The following FAM186A variants were observed in gnomAD, a reference collection of about 807,000 sequenced individuals.
FAM186A encodes family with sequence similarity 186 member A.
FAM186A carries 163 observed loss-of-function variants against 216.8 expected under a neutral mutation model. The ratio of observed to expected loss-of-function variants is 0.75; its 90% CI spans 0.66 to 0.86. The LOEUF (loss-of-function observed/expected upper bound fraction) is 0.86. Ranked by LOEUF, FAM186A falls within the 40% of genes least tolerant of loss-of-function variation. FAM186A has a pLI of 0.00. For missense variants in FAM186A, 2,184 were observed against 2,746.2 expected (o/e 0.80, Z 4.58); for synonymous variants, 805 against 1,025.3 (o/e 0.79, Z 4.10).
intron 1 of FAM186A, chr12:50,392,263 GTTTGTTTGTTTGTTT>G (rs1435561939): frequency 7.6e-6 from 1 of 131,284 alleles, no homozygotes; most frequent in East Asian, 4.2e-4. Context: ...TTTGTTGTTT[GTTTGTTTGTTTGTTT>G]GTTTGTTTGT....
chr12:50,393,555 G>C (rs1943384517), intron 1 of FAM186A, among the ~76,000 whole-genome samples: 1 of 150,148 alleles, frequency 6.7e-6, no homozygotes, highest in African/African-American at 2.5e-5. Flanking sequence ...AAAAAAAAAA[G>C]TGTATTTTGG....
intron 1 of FAM186A, among the ~76,000 whole-genome samples, chr12:50,373,079 AAAG>A (rs1299200066): frequency 7.1e-6 from 1 of 139,962 alleles, no homozygotes; most frequent in Non-Finnish European, 1.6e-5. Flanking sequence ...AAGAAAGAGA[AAAG>A]AAAGAAAGAA....
At chr12:50,357,068 T>C (rs956443880) in intron 3 of FAM186A, among the ~76,000 whole-genome samples, 20 of 151,950 alleles carry the variant, frequency 1.3e-4, no homozygotes, top group Admixed American at 1.2e-3. Flanking sequence ...AAATAAAAGA[T>C]GTAATTCAAG....
At position 50,351,116 on chromosome 12, in the gene FAM186A, G is replaced by T. The variant is rs1942873931; in HGVS notation, c.5716C>A (p.Pro1906Thr). 4 of 1,551,420 alleles carry T rather than the reference G, an allele frequency of 2.6e-6. No homozygotes were observed. Among genetic ancestry groups the T allele is most frequent in the Non-Finnish European group, 3.5e-6 (4 of 1,146,994 alleles). ...GTCCATGTTGCCAGATGCTGCCCAGGGGTAGAAGGAGCCTGCAGATAGGGA... is the reference window on the plus strand; with the variant it reads ...GTCCATGTTGCCAGATGCTGCCCAGTGGTAGAAGGAGCCTGCAGATAGGGA... Reference protein sequence around the residue: ...QSPYLQAPSTPGQHLATWTLP... With the variant: ...QSPYLQAPSTTGQHLATWTLP... The change falls in exon 4 of 8, where the codon CCT becomes ACT. Residue 1906 changes from proline to threonine, a missense_variant. Around this residue, in one of 7 missense-constraint regions of FAM186A, gnomAD observed 721 missense variants for 816.4 expected, o/e 0.88. Transcript: ENST00000327337.
intron 4 of FAM186A, among the ~76,000 whole-genome samples, chr12:50,337,694 G>A (rs891295433): frequency 2.4e-4 from 37 of 151,750 alleles, no homozygotes; most frequent in African/African-American, 8.4e-4. Flanking sequence ...TCAAGAGATC[G>A]AGACCATCCT....
intron 4 of FAM186A, among the ~76,000 whole-genome samples, chr12:50,339,777 C>G (rs1390724202): frequency 7.1e-6 from 1 of 141,832 alleles, no homozygotes; most frequent in Non-Finnish European, 1.6e-5. Context: ...CACACACACA[C>G]ACAGAGCTTC....
intron 1 of FAM186A, chr12:50,365,972 T>C: frequency 2.6e-6 from 2 of 767,700 alleles, no homozygotes; most frequent in Non-Finnish European, 4.8e-6. Flanking sequence ...TGGGTATCAC[T>C]AGGCTAAAAC....
chr12:50,336,468 G>A (rs191104811), intron 4 of FAM186A, among the ~76,000 whole-genome samples: 3 of 152,232 alleles, frequency 2.0e-5, no homozygotes. Context: ...GACGGGTGGG[G>A]TGCTTGTTGA....
chr12:50,329,912 G>A (rs929901128), intron 7 of FAM186A, among the ~76,000 whole-genome samples: 3 of 152,114 alleles, frequency 2.0e-5, no homozygotes, highest in Non-Finnish European at 4.4e-5. Context: ...TACTTCTTAC[G>A]TGAGGACTTA....
intron 1 of FAM186A, among the ~76,000 whole-genome samples, chr12:50,381,152 C>A (rs7973910): frequency 0.83 from 126,431 of 152,178 alleles, 54,609 homozygotes; most frequent in Non-Finnish European, 0.95. Flanking sequence ...TAGGTCTGGG[C>A]TCCCCGAAGG....
At chr12:50,363,894 T>C (rs1263917436) in intron 1 of FAM186A, among the ~76,000 whole-genome samples, 1 of 152,182 alleles carries the variant, frequency 6.6e-6, no homozygotes, top group Non-Finnish European at 1.5e-5. Flanking sequence ...TCTCCTTTGC[T>C]CAAGAATCTT....
In FAM186A at chr12:50,355,818, T is replaced by G; in HGVS notation, c.1014A>C (p.Glu338Asp). 6.4e-7 allele frequency: 1 copy of G among 1,551,640 alleles called. No homozygotes were observed. The highest frequency in any genetic ancestry group is 1.2e-5 in the South Asian group (1 of 84,044). ...ATGTGGACAATTTTGCATATAGTTG[T>G]TCTATAACAATTTTGGATCGAATAA... is the stretch of plus-strand genomic sequence containing the variant. ...EQLIRSKIVI[E>D]QLYAKLSTSS... The change falls in exon 4 of 8, where the codon GAA (glutamate) becomes GAC (aspartate). Residue 338 changes from glutamate (E) to aspartate (D), a missense_variant. Transcript: ENST00000327337.
Position 50,354,917 on chromosome 12 carries a change from G to A in FAM186A, c.1915C>T (p.Leu639Phe), listed in dbSNP as rs556518989. 3 of 1,550,670 alleles carry A rather than the reference G, an allele frequency of 1.9e-6. No individual in the cohort carries two copies. The South Asian group carries it at 3.6e-5, about 19-fold the overall frequency. The change falls in exon 4 of 8, where the codon CTT becomes TTT. Residue 639 changes from leucine (L) to phenylalanine (F), a missense_variant. Transcript: ENST00000327337. The stretch of plus-strand genomic sequence containing the variant: ...GCCACTCTTGAGAGTGATTTAACAA[G>A]TTGATGAGACTTGACTTGTTTGGTC... ...ELTKQVKSHQ[L>F]VKSLSRVAKE... is the part of the protein sequence containing the mutation.
At chr12:50,329,270 A>G (rs1024302400) in intron 7 of FAM186A, among the ~76,000 whole-genome samples, 1 of 152,202 alleles carries the variant, frequency 6.6e-6, no homozygotes, top group Admixed American at 6.6e-5. Flanking sequence ...AAAAATTTAC[A>G]TATTTTGTCC....
chr12:50,368,265 G>T (rs972301915), intron 1 of FAM186A, among the ~76,000 whole-genome samples: 1 of 151,202 alleles, frequency 6.6e-6, no homozygotes, highest in South Asian at 2.1e-4. Context: ...AGCCAGCATG[G>T]TGGTGGGCAT....
intron 4 of FAM186A, among the ~76,000 whole-genome samples, chr12:50,338,412 G>T (rs1444460850): frequency 6.6e-6 from 1 of 152,070 alleles, no homozygotes. Context: ...TGTTGGCTAG[G>T]CTGGTCTCGA....
At position 50,355,179 on chromosome 12, in the gene FAM186A, T is replaced by C. The variant is rs1049887806; in HGVS notation, c.1653A>G (p.Lys551=). The change falls in exon 4 of 8, where the codon AAA becomes AAG. Residue 551 remains lysine, a synonymous_variant. Coordinates refer to ENST00000327337, the MANE Select transcript of FAM186A (RefSeq NM_001145475.3). ...MMMLEQFRKV[K]RESPFDKRPT... ...GACGTTTGTCAAATGGAGATTCACG[T>C]TTGACCTTCCTAAATTGCTCCAACA... 2 of 1,551,680 alleles carry C rather than the reference T, an allele frequency of 1.3e-6. No individual in the cohort carries two copies. The highest frequency in any genetic ancestry group is 1.7e-6 in the Non-Finnish European group (2 of 1,146,982).
At position 50,360,794 on chromosome 12, in the gene FAM186A, G is replaced by C. The variant is rs201711271; in HGVS notation, c.545C>G (p.Ser182Cys). The C allele has an allele frequency of 4.6e-4, 702 of 1,541,788 alleles. 6 individuals are homozygous for C. Among genetic ancestry groups the C allele is most frequent in the Middle Eastern group, 3.5e-3 (21 of 5,962 alleles). Reference protein sequence around the residue: ...NVKILSRFSTSFLDEKKKQKK... With the variant: ...NVKILSRFSTCFLDEKKKQKK... ...TTGTTTCTTCTTTTCGTCGAGGAAA[G>C]ATGTACTAAATCTGCTTAGTATCTT... The change falls in exon 3 of 8, where the codon TCT (serine) becomes TGT (cysteine). Residue 182 changes from serine (S) to cysteine (C), a missense_variant. Coordinates refer to ENST00000327337, the MANE Select transcript of FAM186A (RefSeq NM_001145475.3).
chr12:50,342,543 C>T (rs1277110808), intron 4 of FAM186A, among the ~76,000 whole-genome samples: 1 of 147,932 alleles, frequency 6.8e-6, no homozygotes, highest in African/African-American at 2.5e-5. Context: ...GGCATGATCT[C>T]GGCTCACTGC....
Sources: allele counts gnomAD v4.1 joint callset (sites outside exome capture counted in the v4.1 genomes callset), GRCh38; gene constraint gnomAD v4.1.1; regional missense constraint gnomAD v4.1.1; transcripts MANE v1.5; gene names NCBI Gene and HGNC (gene_info 2026-07-23, HGNC 2026-07-21).